The following GRK5 variants were observed in gnomAD, a reference collection of about 807,000 sequenced individuals.
The protein encoded by GRK5 is g protein-coupled receptor kinase GRK5.
In GRK5, 40 loss-of-function variants were observed where a neutral mutation model predicts 78.4. The observed-to-expected ratio is 0.51, with a 90% CI of 0.40 to 0.66. GRK5 has a LOEUF of 0.66. Among genes scored for constraint, GRK5 ranks in the 30% least tolerant of loss-of-function variants. The pLI, the probability that GRK5 is intolerant of heterozygous loss-of-function variation, is 0.00. For missense variants in GRK5, 598 were observed against 759.9 expected, an observed-to-expected ratio of 0.79 and a Z score of 2.50; for synonymous variants, 289 against 296.8, an observed-to-expected ratio of 0.97 and a Z score of 0.27.
At position 119,207,598 on chromosome 10, in the gene GRK5, G is replaced by A; in HGVS notation, c.-320G>A. The A allele has an allele frequency of 3.4e-6, 1 of 297,348 alleles. No individual in the cohort carries two copies. Among genetic ancestry groups the A allele is most frequent in the Admixed American group, 5.7e-5 (1 of 17,672 alleles). The allele number at this position is 297,348 out of a possible 1,614,324, so 18.4% of individuals were successfully genotyped here. A position where few individuals can be genotyped will look rare whatever the true frequency, so the allele number is the denominator to read the frequency against. ...AAGCATCCGAGGCATTAAAGCATCC[G>A]AGGGAGCCGGAGGGGAGGAGAATGG... On this transcript the variant is annotated 5_prime_UTR_variant, in exon 1 of 16. Coordinates refer to ENST00000392870, the MANE Select transcript of GRK5 (RefSeq NM_005308.3).
At chr10:119,429,044 C>T (rs536002167) in intron 6 of GRK5, among the ~76,000 whole-genome samples, 5 of 152,266 alleles carry the variant, frequency 3.3e-5, no homozygotes, top group African/African-American at 7.2e-5. Context: ...GCCACGTGGT[C>T]GAGGCAGGCG....
At position 119,412,147 on chromosome 10, in the gene GRK5, G is replaced by A. The variant is rs895577662; in HGVS notation, c.340-11019G>A. Among the ~76,000 whole-genome samples the A allele has an allele frequency of 1.3e-5, 2 of 152,142 alleles. No homozygotes were observed. Among genetic ancestry groups the A allele is most frequent in the African/African-American group, 4.8e-5 (2 of 41,542 alleles). On this transcript the variant is annotated intron_variant, in intron 4 of 15. Transcript: ENST00000392870. The surrounding 1 kb of genome is among the most constrained non-coding windows in gnomAD (Gnocchi z 4.3). ...ATTCCAGGCGTGAGCCACTGCGCCC[G>A]GCCTCAGATCCGCTTCTGATTGGAG...
In GRK5 at chr10:119,459,518, A is replaced by G. The variant is rs1853450239; in HGVS notation, c.*4451A>G. The G allele has an allele frequency of 6.6e-6, 1 of 152,186 alleles. No homozygotes were observed. The highest frequency in any genetic ancestry group is 6.5e-5 in the Admixed American group (1 of 15,270). The allele number at this position is 152,186 out of a possible 1,614,324, so 9.4% of individuals were successfully genotyped here. On this transcript the variant is annotated 3_prime_UTR_variant, in exon 16 of 16. Transcript: ENST00000392870. ...GTTTAGTGGCTTTTGGTGTTGTTAA[A>G]ATAATAAGAATCCTTCTAGCATCCA... is the stretch of plus-strand genomic sequence containing the variant.
chr10:119,425,084 A>G lies in GRK5; in HGVS notation c.532A>G (p.Arg178Gly). Residue 178 changes from arginine to glycine, a missense_variant and splice_region_variant, in exon 6 of 16, where the codon AGG (arginine) becomes GGG (glycine). Arg to Gly is a moderately radical substitution (Grantham distance 125, BLOSUM62 -2). Transcript: ENST00000392870. ...DRFLQWKWLERQPVTKNTFRQ... is the reference protein window; with the variant it reads ...DRFLQWKWLEGQPVTKNTFRQ... ...CTTTCTCCAGTGGAAGTGGTTGGAA[A>G]GGTGAGTCCACCACACCCCATACAG... 6.2e-7 allele frequency: 1 copy of G among 1,604,002 alleles called. No homozygotes were observed. Among genetic ancestry groups the G allele is most frequent in the South Asian group, 1.1e-5 (1 of 90,906 alleles).
chr10:119,413,928 C>T (rs1046925877), intron 4 of GRK5, among the ~76,000 whole-genome samples: 6 of 152,282 alleles, frequency 3.9e-5, no homozygotes, highest in Middle Eastern at 6.8e-3. Flanking sequence ...CCGTAGCTGA[C>T]GCAGATCCCC....
rs1849526054 is a variant in GRK5, at chr10:119,267,814, A to G, written c.53-58702A>G. Among the ~76,000 whole-genome samples, 1 of 152,102 alleles carries G rather than the reference A, an allele frequency of 6.6e-6. No homozygotes were observed. Among genetic ancestry groups the G allele is most frequent in the Non-Finnish European group, 1.5e-5 (1 of 68,002 alleles). ...TGACATGGAACAGGGAGGCGCTCCC[A>G]TGTCAGAAGATGGGTCCTCTCCACC... On this transcript the variant is annotated intron_variant, in intron 1 of 15. Transcript: ENST00000392870. The surrounding 1 kb of genome is among the most constrained non-coding windows in gnomAD (Gnocchi z 4.1).
chr10:119,313,056 ATGATGGTGGTGGTGATGGTGG>A (rs1850402909), intron 1 of GRK5, among the ~76,000 whole-genome samples: 1 of 123,180 alleles, frequency 8.1e-6, no homozygotes, highest in Non-Finnish European at 1.7e-5. Context: ...GGTGGTAATG[ATGATGGTGGTGGTGATGGTGG>A]TGGTGGTGGT....
chr10:119,230,133 A>G (rs879937461), intron 1 of GRK5, among the ~76,000 whole-genome samples: 2 of 152,114 alleles, frequency 1.3e-5, no homozygotes, highest in Non-Finnish European at 2.9e-5. Flanking sequence ...GCAGAAGAAT[A>G]GGGTCATATG....
At chr10:119,429,138 G>T (rs182614704) in intron 6 of GRK5, among the ~76,000 whole-genome samples, 1 of 152,330 alleles carries the variant, frequency 6.6e-6, no homozygotes, top group East Asian at 1.9e-4. Context: ...TGCTTCGGTG[G>T]GGTTTGGGCC....
chr10:119,447,159 A>T (rs1436788399), intron 12 of GRK5, among the ~76,000 whole-genome samples: 1 of 152,146 alleles, frequency 6.6e-6, no homozygotes, highest in Non-Finnish European at 1.5e-5. Flanking sequence ...GCGCAGGTCT[A>T]GCCCTCTGGC....
chr10:119,286,455 A>G (rs1849847897), intron 1 of GRK5, among the ~76,000 whole-genome samples: 1 of 152,236 alleles, frequency 6.6e-6, no homozygotes. Context: ...AGTACCATCT[A>G]ATTGTTGGTT....
At chr10:119,409,133 C>T (rs1852291853) in intron 4 of GRK5, among the ~76,000 whole-genome samples, 1 of 152,256 alleles carries the variant, frequency 6.6e-6, no homozygotes, top group African/African-American at 2.4e-5. Flanking sequence ...TGACCCCCAA[C>T]CTGGGCCTCG....
At chr10:119,420,345 CAAACAAACAAA>C in intron 4 of GRK5, among the ~76,000 whole-genome samples, 1 of 71,234 alleles carries the variant, frequency 1.4e-5, no homozygotes, top group South Asian at 4.6e-4. Flanking sequence ...CTAAAACAAA[CAAACAAACAAA>C]AAAAAAAAAC....
rs1331085020 is a variant in GRK5 at position 119,444,934 on chromosome 10, A to C, written c.1266+1182A>C. Among the ~76,000 whole-genome samples, 3 of 152,338 alleles carry C rather than the reference A, an allele frequency of 2.0e-5. No individual in the cohort carries two copies. The East Asian group carries it at 5.8e-4, about 29-fold the overall frequency. On this transcript the variant is annotated intron_variant, in intron 12 of 15. Coordinates refer to ENST00000392870, the MANE Select transcript of GRK5 (RefSeq NM_005308.3). ...CAGGAAGACCTGAGATCTGCGCCGCAAGCGGCCCCAGGAGGGTCTGGCTCG... is the reference window on the plus strand; with the variant it reads ...CAGGAAGACCTGAGATCTGCGCCGCCAGCGGCCCCAGGAGGGTCTGGCTCG...
In GRK5 at chr10:119,431,245, C is replaced by G. The variant is rs1426706162; in HGVS notation, c.598-142C>G. The G allele has an allele frequency of 1.1e-6, 1 of 919,396 alleles. No individual in the cohort carries two copies. Among genetic ancestry groups the G allele is most frequent in the Non-Finnish European group, 1.6e-6 (1 of 633,290 alleles). 57.0% of individuals were successfully genotyped at this position (919,396 alleles called of 1,614,324 possible). A position where few individuals can be genotyped will look rare whatever the true frequency, so the allele number is the denominator to read the frequency against. On this transcript the variant is annotated intron_variant, in intron 7 of 15. Coordinates refer to ENST00000392870, the MANE Select transcript of GRK5 (RefSeq NM_005308.3). This position sits in a 1 kb window ranked among gnomAD's most constrained non-coding sequence, Gnocchi z 4.8. ...CCAGGCATCACTGGGTCCTGGGAGC[C>G]TGGAGCACTCATGAAGCCAGGCAGG...
rs1849579832 is a variant in GRK5 at position 119,271,292 on chromosome 10, C to T, written c.53-55224C>T. ...GCCTCTTTAGAGGCTCTCTCATCCC[C>T]TCGAGCTGCCAACACAATCAAGGGT... On this transcript the variant is annotated intron_variant, in intron 1 of 15. Coordinates refer to ENST00000392870, the MANE Select transcript of GRK5 (RefSeq NM_005308.3). This position sits in a 1 kb window ranked among gnomAD's most constrained non-coding sequence, Gnocchi z 4.1. Among the ~76,000 whole-genome samples the T allele has an allele frequency of 6.6e-6, 1 of 152,246 alleles. No individual in the cohort carries two copies. Among genetic ancestry groups the T allele is most frequent in the South Asian group, 2.1e-4 (1 of 4,834 alleles).
chr10:119,340,300 T>G (rs1340652843), intron 2 of GRK5, among the ~76,000 whole-genome samples: 1 of 152,172 alleles, frequency 6.6e-6, no homozygotes, highest in Non-Finnish European at 1.5e-5. Context: ...CTAAATTTTG[T>G]ATTTTTAATA....
chr10:119,330,739 G>A (rs1403064653), intron 2 of GRK5, among the ~76,000 whole-genome samples: 1 of 152,148 alleles, frequency 6.6e-6, no homozygotes, highest in Non-Finnish European at 1.5e-5. Flanking sequence ...CTTAGATCTA[G>A]GATGGGTGTG....
chr10:119,275,877 C>T (rs1849662196), intron 1 of GRK5, among the ~76,000 whole-genome samples: 1 of 152,156 alleles, frequency 6.6e-6, no homozygotes, highest in African/African-American at 2.4e-5. Context: ...AAAGGGAGGG[C>T]CGCAGGAGTT....
Sources: gnomAD v4.1 joint callset for allele counts (sites outside exome capture counted in the v4.1 genomes callset) on GRCh38, gnomAD v4.1.1 for gene constraint, Gnocchi (gnomAD v3.1) non-coding constraint, MANE v1.5 for transcripts, NCBI Gene and HGNC (gene_info 2026-07-23, HGNC 2026-07-21) for gene names.